ELAVL4: variants seen among roughly 807,000 people sequenced by gnomAD.
ELAVL4 encodes ELAV-like protein 4.
In ELAVL4, 1 loss-of-function variant was observed where a neutral mutation model predicts 35.6. That is an observed-to-expected ratio of 0.03 (90% confidence interval 0.01 to 0.13). The LOEUF is 0.13. Among genes scored for constraint, ELAVL4 ranks in the 10% least tolerant of loss-of-function variants. ELAVL4 has a pLI of 1.00. For missense variants in ELAVL4, 267 were observed against 464.9 expected (o/e 0.57, Z 3.91); for synonymous variants, 156 against 171.0 (o/e 0.91, Z 0.69).
chr1:50,153,130 A>C (rs940132906), intron 2 of ELAVL4, among the ~76,000 whole-genome samples: 1 of 152,162 alleles, frequency 6.6e-6, no homozygotes, highest in Non-Finnish European at 1.5e-5. Flanking sequence ...TATTAACTAC[A>C]CATCTACCTT....
intron 2 of ELAVL4, among the ~76,000 whole-genome samples, chr1:50,167,843 T>C (rs2148791911): frequency 6.6e-6 from 1 of 152,272 alleles, no homozygotes; most frequent in East Asian, 1.9e-4. Context: ...TTTTGACCAC[T>C]CAGAGAGGTC....
intron 2 of ELAVL4, among the ~76,000 whole-genome samples, chr1:50,155,798 C>T (rs1026877454): frequency 7.9e-5 from 12 of 152,268 alleles, no homozygotes; most frequent in Non-Finnish European, 1.2e-4. Flanking sequence ...GAGCCCTGAG[C>T]TGGACAACAA....
chr1:50,098,964 G>T (rs1424131092), upstream of ELAVL4, among the ~76,000 whole-genome samples: 1 of 152,198 alleles, frequency 6.6e-6, no homozygotes, highest in African/African-American at 2.4e-5. Context: ...AAGAAAAGCA[G>T]CCGTGGGCTG....
intron 1 of ELAVL4, among the ~76,000 whole-genome samples, chr1:50,125,297 A>G (rs1572282012): frequency 6.6e-6 from 1 of 152,042 alleles, no homozygotes; most frequent in Non-Finnish European, 1.5e-5. Flanking sequence ...ATAATTTCAC[A>G]TAGTGAAATG....
chr1:50,115,894 T>C (rs1378098319), intron 1 of ELAVL4, among the ~76,000 whole-genome samples: 4 of 152,128 alleles, frequency 2.6e-5, no homozygotes, highest in African/African-American at 9.7e-5. Context: ...CATAATTAAT[T>C]AGAGGATAAG....
At chr1:50,186,709 G>T (rs1267841084) in intron 3 of ELAVL4, among the ~76,000 whole-genome samples, 2 of 152,204 alleles carry the variant, frequency 1.3e-5, no homozygotes, top group African/African-American at 4.8e-5. Flanking sequence ...GCATGAAGGG[G>T]TTGGCAGGAG....
chr1:50,148,441 C>T (rs1557782741), intron 2 of ELAVL4, among the ~76,000 whole-genome samples: 1 of 152,186 alleles, frequency 6.6e-6, no homozygotes, highest in East Asian at 1.9e-4. Context: ...ATAACTCAGC[C>T]TTTGTCTTCC....
intron 1 of ELAVL4, among the ~76,000 whole-genome samples, chr1:50,058,728 C>T (rs1291321971): frequency 1.3e-5 from 2 of 151,876 alleles, no homozygotes; most frequent in Non-Finnish European, 2.9e-5. Flanking sequence ...ATCCTTCCAC[C>T]TCAGCCTCCT....
At chr1:50,168,294 G>A (rs1020447901) in intron 2 of ELAVL4, among the ~76,000 whole-genome samples, 2 of 152,052 alleles carry the variant, frequency 1.3e-5, no homozygotes, top group Non-Finnish European at 2.9e-5. Context: ...AGCTTCATTA[G>A]GATCCTCCCA....
intron 1 of ELAVL4, among the ~76,000 whole-genome samples, chr1:50,072,705 G>C (rs1664586412): frequency 6.6e-6 from 1 of 152,128 alleles, no homozygotes; most frequent in Non-Finnish European, 1.5e-5. Flanking sequence ...CTGATATAAA[G>C]ATTGATTGAA....
At chr1:50,082,061 T>G (rs1665035652) in intron 1 of ELAVL4, among the ~76,000 whole-genome samples, 1 of 152,248 alleles carries the variant, frequency 6.6e-6, no homozygotes, top group African/African-American at 2.4e-5. Context: ...TGCCACATTT[T>G]CTTTATCCAG....
chr1:50,088,186 G>A (rs189352281), intron 1 of ELAVL4, among the ~76,000 whole-genome samples: 4 of 152,180 alleles, frequency 2.6e-5, no homozygotes, highest in African/African-American at 9.7e-5. Flanking sequence ...ATGAAAGCTG[G>A]CCTGTCCTTC....
rs986426832 is a variant in ELAVL4 at position 50,201,705 on chromosome 1, G to C, written c.*527G>C. 6.6e-6 allele frequency: 1 copy of C among 151,686 alleles called. No individual in the cohort carries two copies. Among genetic ancestry groups the C allele is most frequent in the African/African-American group, 2.4e-5 (1 of 41,306 alleles). 9.4% of individuals were successfully genotyped at this position (151,686 alleles called of 1,614,324 possible). On this transcript the variant is annotated 3_prime_UTR_variant, in exon 7 of 7. Coordinates refer to ENST00000371824, the MANE Select transcript of ELAVL4 (RefSeq NM_001144774.3). The surrounding 1 kb of genome is among the most constrained non-coding windows in gnomAD (Gnocchi z 4.3). Reference sequence around the variant, plus strand: ...GGTAAAAACCCCCACACAAATTAAAGAGGAATAATAAAAATTGCAAAAATA... The same window carrying C: ...GGTAAAAACCCCCACACAAATTAAACAGGAATAATAAAAATTGCAAAAATA...
chr1:50,203,093 C>T lies in ELAVL4; in HGVS notation c.*1915C>T, dbSNP rs1157996868. The T allele has an allele frequency of 6.6e-6, 1 of 152,130 alleles. No homozygotes were observed. The allele number at this position is 152,130 out of a possible 1,614,324, so 9.4% of individuals were successfully genotyped here. On this transcript the variant is annotated 3_prime_UTR_variant, in exon 7 of 7. Transcript: ENST00000371824. ...TCCCTGGGTAATAGAAACAGTTACT[C>T]GCTATGCATAATCTAGTTGATAGTT...
intron 1 of ELAVL4, among the ~76,000 whole-genome samples, chr1:50,113,305 A>G (rs1038211424): frequency 1.3e-5 from 2 of 151,360 alleles, no homozygotes; most frequent in Non-Finnish European, 2.9e-5. Context: ...GCCAAATACT[A>G]TTTCTTCCAT....
At chr1:50,133,383 C>T (rs1398215514) in intron 1 of ELAVL4, among the ~76,000 whole-genome samples, 10 of 151,982 alleles carry the variant, frequency 6.6e-5, no homozygotes, top group Admixed American at 6.6e-4. Context: ...TTCTCCTCAC[C>T]CAGGCCTGAA....
chr1:50,122,289 A>G (rs1669167988), intron 1 of ELAVL4, among the ~76,000 whole-genome samples: 1 of 152,096 alleles, frequency 6.6e-6, no homozygotes, highest in Non-Finnish European at 1.5e-5. Flanking sequence ...TGCCCTTTGT[A>G]TTTTACTATG....
At chr1:50,165,308 C>G (rs188030292) in intron 2 of ELAVL4, among the ~76,000 whole-genome samples, 50 of 152,094 alleles carry the variant, frequency 3.3e-4, no homozygotes, top group African/African-American at 1.1e-3. Context: ...CTGGCTACCA[C>G]CCTTCAATCA....
intron 1 of ELAVL4, among the ~76,000 whole-genome samples, chr1:50,119,088 G>GAAAGAAAGAAAGAA (rs1553170372): frequency 2.3e-5 from 3 of 129,172 alleles, no homozygotes; most frequent in South Asian, 2.6e-4. Context: ...AAGAAAGAAA[G>GAAAGAAAGAAAGAA]AAAGAAAAAG....
Sources: gnomAD v4.1 joint callset for allele counts (sites outside exome capture counted in the v4.1 genomes callset) on GRCh38, gnomAD v4.1.1 for gene constraint, Gnocchi (gnomAD v3.1) non-coding constraint, MANE v1.5 for transcripts, NCBI Gene and HGNC (gene_info 2026-07-23, HGNC 2026-07-21) for gene names.